Variants in MCC observed in about 807,000 individuals in gnomAD.
The protein encoded by MCC is MCC regulator of Wnt signaling pathway.
In MCC, 90 loss-of-function variants were observed where a neutral mutation model predicts 116.2. That is an observed-to-expected ratio of 0.77 (90% CI 0.65 to 0.92). The LOEUF (loss-of-function observed/expected upper bound fraction) is 0.92. MCC is among the 40% of genes least tolerant of loss of function. The pLI is 0.00. For synonymous variants in MCC, 578 were observed against 510.5 expected, an observed-to-expected ratio of 1.13 and a Z score of -1.78; for missense variants, 1,516 against 1,312.2, an observed-to-expected ratio of 1.16 and a Z score of -2.40.
chr5:113,159,292 A>C lies in MCC; in HGVS notation c.628-7870T>G, dbSNP rs145108805. Among the ~76,000 whole-genome samples, 29 of 152,196 alleles carry C rather than the reference A, an allele frequency of 1.9e-4. No individual in the cohort carries two copies. In the East Asian group the frequency reaches 5.6e-3, roughly 29 times the overall value. On this transcript the variant is annotated intron_variant, in intron 3 of 18. Coordinates refer to ENST00000408903, the MANE Select transcript of MCC (RefSeq NM_001085377.2). ...TGGGCTTTGCATACTTTATTTGTCC[A>C]CTGGTCCCAGAAAAATCTGCTGAAG...
chr5:113,027,368 G>C lies in MCC; in HGVS notation c.2994C>G (p.Leu998=), dbSNP rs148412524. 9.9e-6 allele frequency: 16 copies of C among 1,614,066 alleles called. No individual in the cohort carries two copies. The highest frequency in any genetic ancestry group is 4.0e-5 in the African/African-American group (3 of 74,922). The change falls in exon 19 of 19, where the codon CTC becomes CTG. Residue 998 remains leucine, a synonymous_variant. Transcript: ENST00000408903. ...VERHETQVRM[L]KQRIALLEEE... ...CCTCTAGCAGAGCTATTCTTTGCTT[G>C]AGCATCCTCACTTGGGTCTCATGTC...
At chr5:113,362,665 G>A (rs1768578630) in intron 2 of MCC, among the ~76,000 whole-genome samples, 1 of 151,982 alleles carries the variant, frequency 6.6e-6, no homozygotes, top group African/African-American at 2.4e-5. Flanking sequence ...ATTAGGTTGA[G>A]ACAAATTTTA....
intron 3 of MCC, among the ~76,000 whole-genome samples, chr5:113,284,040 G>T (rs1219621309): frequency 6.6e-6 from 1 of 152,132 alleles, no homozygotes; most frequent in Admixed American, 6.5e-5. Flanking sequence ...TCGGACTATG[G>T]TATATAATAC....
chr5:113,259,004 T>C (rs914170106), intron 3 of MCC, among the ~76,000 whole-genome samples: 1 of 152,206 alleles, frequency 6.6e-6, no homozygotes, highest in Non-Finnish European at 1.5e-5. Flanking sequence ...CATCAAAAGC[T>C]CTTTAAGTGA....
At chr5:113,197,739 T>G (rs1762482352) in intron 3 of MCC, among the ~76,000 whole-genome samples, 1 of 152,206 alleles carries the variant, frequency 6.6e-6, no homozygotes, top group Non-Finnish European at 1.5e-5. Flanking sequence ...ATTACTATCC[T>G]CACTTTATAG....
chr5:113,103,347 T>G (rs1440626500), intron 7 of MCC, among the ~76,000 whole-genome samples: 1 of 152,208 alleles, frequency 6.6e-6, no homozygotes, highest in East Asian at 1.9e-4. Flanking sequence ...TAGAGGCCCT[T>G]GGCCTCCTCC....
At chr5:113,078,946 G>A (rs568289824) in intron 11 of MCC, among the ~76,000 whole-genome samples, 5 of 152,310 alleles carry the variant, frequency 3.3e-5, no homozygotes, top group African/African-American at 9.6e-5. Context: ...AAGCTGATAA[G>A]CAACTTCAGA....
At chr5:113,486,645 A>G (rs1040957282) in intron 1 of MCC, among the ~76,000 whole-genome samples, 3 of 152,050 alleles carry the variant, frequency 2.0e-5, no homozygotes, top group African/African-American at 7.3e-5. Context: ...GGAATTCGAG[A>G]CCAGCCTGGC....
chr5:113,060,810 T>C (rs888715110), intron 14 of MCC, among the ~76,000 whole-genome samples: 5 of 148,186 alleles, frequency 3.4e-5, no homozygotes, highest in African/African-American at 1.3e-4. Context: ...GGCTGGTCTC[T>C]AGAGCTCACT....
At chr5:113,424,608 G>C (rs1014795027) in intron 1 of MCC, among the ~76,000 whole-genome samples, 5 of 152,068 alleles carry the variant, frequency 3.3e-5, no homozygotes, top group Admixed American at 1.3e-4. Flanking sequence ...CCAGCTACTT[G>C]GAGGCTAGGC....
chr5:113,318,223 A>G (rs1483772244), intron 3 of MCC, among the ~76,000 whole-genome samples: 1 of 152,182 alleles, frequency 6.6e-6, no homozygotes, highest in East Asian at 1.9e-4. Flanking sequence ...CCATTTTGAG[A>G]TGAAGACAAC....
intron 3 of MCC, among the ~76,000 whole-genome samples, chr5:113,153,166 C>A (rs1031408366): frequency 6.6e-6 from 1 of 152,130 alleles, no homozygotes; most frequent in African/African-American, 2.4e-5. Flanking sequence ...TCACCTCCGG[C>A]GAAAAGGATA....
At chr5:113,103,748 G>C (rs1756568121) in intron 7 of MCC, among the ~76,000 whole-genome samples, 1 of 152,154 alleles carries the variant, frequency 6.6e-6, no homozygotes, top group South Asian at 2.1e-4. Context: ...TTCACAATGA[G>C]TTTGTGCAGA....
chr5:113,468,908 T>C (rs1771995425), intron 1 of MCC, among the ~76,000 whole-genome samples: 1 of 152,218 alleles, frequency 6.6e-6, no homozygotes, highest in African/African-American at 2.4e-5. Context: ...GGTTTAGTCT[T>C]GGGAGGGTGT....
rs368444958 is a variant in MCC at position 113,068,148 on chromosome 5, G to A, written c.1961C>T (p.Ala654Val). 3.7e-6 allele frequency: 6 copies of A among 1,614,040 alleles called. No individual in the cohort carries two copies. In the African/African-American group the frequency reaches 4.0e-5, roughly 11 times the overall value. Residue 654 changes from alanine to valine, a missense_variant, in exon 13 of 19, where the codon GCG becomes GTG. Ala to Val is a moderately conservative substitution (Grantham distance 64). Coordinates refer to ENST00000408903, the MANE Select transcript of MCC (RefSeq NM_001085377.2). ...QCIEAYELLLALAESEQSLIL... is the reference protein window; with the variant it reads ...QCIEAYELLLVLAESEQSLIL... Reference sequence around the variant, plus strand: ...GAGGCTCTGCTCACTCTCTGCCAGCGCCAGGAGGAGTTCGTAGGCTTCGAT... The same window carrying A: ...GAGGCTCTGCTCACTCTCTGCCAGCACCAGGAGGAGTTCGTAGGCTTCGAT...
intron 3 of MCC, among the ~76,000 whole-genome samples, chr5:113,273,166 A>G (rs1448837139): frequency 6.6e-6 from 1 of 152,250 alleles, no homozygotes; most frequent in East Asian, 1.9e-4. Flanking sequence ...GGTGACAATG[A>G]ACAAACTTTT....
chr5:113,151,731 A>G (rs935786453), intron 3 of MCC, among the ~76,000 whole-genome samples: 1 of 152,176 alleles, frequency 6.6e-6, no homozygotes, highest in African/African-American at 2.4e-5. Flanking sequence ...AGTGAGGATG[A>G]GCCTGACAGC....
intron 14 of MCC, among the ~76,000 whole-genome samples, chr5:113,059,902 C>T (rs764536424): frequency 4.6e-5 from 7 of 152,224 alleles, no homozygotes; most frequent in South Asian, 2.1e-4. Context: ...CAGCTATCGA[C>T]GTCAAATATC....
intron 3 of MCC, among the ~76,000 whole-genome samples, chr5:113,227,519 A>G (rs775810053): frequency 4.6e-5 from 7 of 152,180 alleles, no homozygotes; most frequent in Non-Finnish European, 1.0e-4. Context: ...TTCAGCTCCT[A>G]TCCTATAGCT....
Sources: gnomAD v4.1 joint callset for allele counts (sites outside exome capture counted in the v4.1 genomes callset) on GRCh38, gnomAD v4.1.1 for gene constraint, MANE v1.5 for transcripts, NCBI Gene and HGNC (gene_info 2026-07-23, HGNC 2026-07-21) for gene names.